Variants in RBFOX2 observed in about 807,000 individuals in gnomAD.
RBFOX2 encodes RNA binding protein fox-1 homolog 2.
Under a neutral mutation model 49.1 loss-of-function variants are expected in RBFOX2, and 10 were observed. The ratio of observed to expected loss-of-function variants is 0.20; its 90% CI spans 0.13 to 0.35. The LOEUF (loss-of-function observed/expected upper bound fraction) is 0.35, where lower values mean the gene tolerates loss of function less well. RBFOX2 is among the 10% of genes least tolerant of loss of function. RBFOX2 has a pLI of 1.00. For synonymous variants in RBFOX2, 183 were observed against 187.4 expected, an observed-to-expected ratio of 0.98 and a Z score of 0.19; for missense variants, 323 against 486.9, an observed-to-expected ratio of 0.66 and a Z score of 3.17.
chr22:35,884,776 G>A (rs1045236905), intron 1 of RBFOX2, among the ~76,000 whole-genome samples: 4 of 152,114 alleles, frequency 2.6e-5, no homozygotes, highest in African/African-American at 9.7e-5. Flanking sequence ...GGATCACTAG[G>A]GACCATCTTA....
rs765488958 is a variant in RBFOX2 at position 35,756,085 on chromosome 22, GC to G, written c.887+3802del. ...CTTGTCAGGGGATGGGGTCGAGAAG[GC>G]CCCAGTGTGTGTACTTACATAGAGG... On this transcript the variant is annotated intron_variant, in intron 9 of 11. Transcript: ENST00000405409. 2 of 1,388,858 alleles carry G rather than the reference GC, an allele frequency of 1.4e-6. No individual in the cohort carries two copies. Among genetic ancestry groups the G allele is most frequent in the Non-Finnish European group, 1.9e-6 (2 of 1,059,508 alleles). 86.0% of individuals were successfully genotyped at this position (1,388,858 alleles called of 1,614,324 possible).
chr22:35,842,925 C>T (rs1388286059), upstream of RBFOX2, among the ~76,000 whole-genome samples: 2 of 151,994 alleles, frequency 1.3e-5, no homozygotes, highest in Non-Finnish European at 2.9e-5. Context: ...ACATTTAGAA[C>T]CAATATTTTA....
At chr22:35,775,860 A>AAAAAAAAGAAC (rs1555896239) in intron 4 of RBFOX2, among the ~76,000 whole-genome samples, 1 of 149,128 alleles carries the variant, frequency 6.7e-6, no homozygotes, top group African/African-American at 2.5e-5. Context: ...AAAAAAAAAA[A>AAAAAAAAGAAC]AGAAAAGAAA....
chr22:36,003,048 T>C (rs1253546851), intron 1 of RBFOX2, among the ~76,000 whole-genome samples: 3 of 152,222 alleles, frequency 2.0e-5, no homozygotes, highest in African/African-American at 2.4e-5. Flanking sequence ...TTATCCCCTA[T>C]ACAATGAAGA....
chr22:35,990,310 A>G (rs1458317012), intron 1 of RBFOX2, among the ~76,000 whole-genome samples: 1 of 152,180 alleles, frequency 6.6e-6, no homozygotes, highest in Non-Finnish European at 1.5e-5. Context: ...AAATACAATG[A>G]AAAATGAAAA....
At chr22:35,979,622 C>T (rs2057362506) in intron 1 of RBFOX2, among the ~76,000 whole-genome samples, 2 of 152,082 alleles carry the variant, frequency 1.3e-5, no homozygotes, top group South Asian at 2.1e-4. Context: ...CTGGGGAATC[C>T]GAGTGAAGAA....
At chr22:35,979,459 T>C (rs2057354340) in intron 1 of RBFOX2, among the ~76,000 whole-genome samples, 1 of 152,134 alleles carries the variant, frequency 6.6e-6, no homozygotes, top group Non-Finnish European at 1.5e-5. Context: ...GAATACACAT[T>C]GAAGTGTTTG....
chr22:35,997,542 C>T (rs2058241913), intron 1 of RBFOX2: 2 of 152,152 alleles, frequency 1.3e-5, no homozygotes, highest in Admixed American at 1.3e-4. Flanking sequence ...CATCTCATTT[C>T]AATATATATA....
chr22:35,974,004 T>C (rs1293754181), intron 1 of RBFOX2, among the ~76,000 whole-genome samples: 2 of 152,176 alleles, frequency 1.3e-5, no homozygotes, highest in African/African-American at 4.8e-5. Flanking sequence ...TCACATTTCC[T>C]CCTGGAACGT....
intron 9 of RBFOX2, among the ~76,000 whole-genome samples, chr22:35,754,518 T>C (rs1450795156): frequency 6.6e-6 from 1 of 152,220 alleles, no homozygotes; most frequent in Admixed American, 6.5e-5. Flanking sequence ...CTTGTTCTAA[T>C]AGATCAGATT....
At position 35,873,486 on chromosome 22, in the gene RBFOX2, C is replaced by T. The variant is rs111754954; in HGVS notation, c.-33-63482G>A. Reference sequence around the variant, plus strand: ...GATTTATACTAATGCTAGGGCAAGACTTCACCCCACTCATAGCGTAGTTCC... The same window carrying T: ...GATTTATACTAATGCTAGGGCAAGATTTCACCCCACTCATAGCGTAGTTCC... On this transcript the variant is annotated intron_variant, in intron 1 of 13. Transcript: ENST00000359369. Among the ~76,000 whole-genome samples the T allele has an allele frequency of 3.0e-3, 450 of 152,296 alleles. 6 individuals carry two copies. The highest frequency in any genetic ancestry group is 9.5e-3 in the African/African-American group (396 of 41,560).
At chr22:35,880,556 ACTTTT>A (rs2045750565) in intron 1 of RBFOX2, among the ~76,000 whole-genome samples, 1 of 152,122 alleles carries the variant, frequency 6.6e-6, no homozygotes, top group Non-Finnish European at 1.5e-5. Context: ...ACTGGGCCCA[ACTTTT>A]CTTTTCAAGC....
At chr22:35,986,111 T>G (rs1359253755) in intron 1 of RBFOX2, among the ~76,000 whole-genome samples, 1 of 152,150 alleles carries the variant, frequency 6.6e-6, no homozygotes, top group Admixed American at 6.5e-5. Flanking sequence ...GCTGAACTGT[T>G]GTGCTTCTGC....
intron 2 of RBFOX2, among the ~76,000 whole-genome samples, chr22:35,802,692 A>G (rs906076828): frequency 2.0e-5 from 3 of 152,184 alleles, no homozygotes; most frequent in African/African-American, 2.4e-5. Context: ...GGGAGAAGAC[A>G]TTCTTCTAGC....
chr22:36,012,676 T>C (rs921120580), intron 1 of RBFOX2, among the ~76,000 whole-genome samples: 1 of 152,198 alleles, frequency 6.6e-6, no homozygotes, highest in Non-Finnish European at 1.5e-5. Flanking sequence ...AGGGTGACTA[T>C]AGAAAAAGCA....
chr22:35,889,490 A>G (rs1042253229), intron 1 of RBFOX2, among the ~76,000 whole-genome samples: 1 of 152,100 alleles, frequency 6.6e-6, no homozygotes, highest in African/African-American at 2.4e-5. Flanking sequence ...ATCTCTCAAT[A>G]CAGTTCCGCT....
At chr22:35,933,261 C>T (rs1023161159) in intron 1 of RBFOX2, among the ~76,000 whole-genome samples, 1 of 152,142 alleles carries the variant, frequency 6.6e-6, no homozygotes, top group Non-Finnish European at 1.5e-5. Flanking sequence ...GCCCAAGCCA[C>T]CTAGCTGAAC....
intron 1 of RBFOX2, among the ~76,000 whole-genome samples, chr22:36,027,598 G>C (rs2059493675): frequency 6.6e-6 from 1 of 152,122 alleles, no homozygotes; most frequent in Non-Finnish European, 1.5e-5. Context: ...GAACAGGAGG[G>C]ACATGTCTAG....
chr22:36,004,754 C>T (rs1259911405), intron 1 of RBFOX2, among the ~76,000 whole-genome samples: 1 of 152,024 alleles, frequency 6.6e-6, no homozygotes, highest in Non-Finnish European at 1.5e-5. Context: ...CAAGATCACA[C>T]CATTGTACTC....
Sources: gnomAD v4.1 joint callset for allele counts (sites outside exome capture counted in the v4.1 genomes callset) on GRCh38, gnomAD v4.1.1 for gene constraint, MANE v1.5 for transcripts, NCBI Gene and HGNC (gene_info 2026-07-23, HGNC 2026-07-21) for gene names.